Variants in NEB observed in about 807,000 individuals in gnomAD.
NEB encodes nebulin.
In NEB, 512 loss-of-function variants were observed where a neutral mutation model predicts 952.2. The ratio of observed to expected loss-of-function variants is 0.54; its 90% confidence interval spans 0.50 to 0.58. The LOEUF (loss-of-function observed/expected upper bound fraction) is 0.58. Among genes scored for constraint, NEB ranks in the 20% least tolerant of loss-of-function variants. NEB has a pLI of 0.00. For missense variants in NEB, 8,428 were observed against 9,231.1 expected (o/e 0.91, Z 3.56); for synonymous variants, 2,900 against 3,149.8 (o/e 0.92, Z 2.66).
chr2:151,669,649 G>A (rs980534069), intron 38 of NEB, among the ~76,000 whole-genome samples: 1 of 152,126 alleles, frequency 6.6e-6, no homozygotes, highest in African/African-American at 2.4e-5. Flanking sequence ...AATGTGCCTG[G>A]GTAGACGTGG....
Position 151,680,768 on chromosome 2 carries a change from TA to T in NEB, c.3003del (p.Thr1002GlnfsTer55), listed in dbSNP as rs2099408546. On this transcript the variant is annotated frameshift_variant, in exon 30 of 182. Transcript: ENST00000397345. LOFTEE classifies it high-confidence loss of function. ...GCCTGGTTAATTTTAGACTGTACTG[TA>T]ATTGGAGCATCTTCAATCGAGGTAA... ...LKFTSIEDAP[I>X]TVQSKINQAQ... 1 of 1,613,146 alleles carries T rather than the reference TA, an allele frequency of 6.2e-7. No homozygotes were observed. Among genetic ancestry groups the T allele is most frequent in the Non-Finnish European group, 8.5e-7 (1 of 1,179,204 alleles).
intron 130 of NEB, among the ~76,000 whole-genome samples, 158 bp downstream of exon 130, chr2:151,549,478 A>C (rs1466985455): frequency 6.6e-6 from 1 of 152,142 alleles, no homozygotes; most frequent in East Asian, 1.9e-4. Context: ...ATTGCACAGC[A>C]CCCCTCAAAA....
intron 135 of NEB, among the ~76,000 whole-genome samples, chr2:151,542,717 A>G (rs891860147): frequency 3.9e-5 from 6 of 151,904 alleles, no homozygotes; most frequent in Admixed American, 2.6e-4. Flanking sequence ...CACCTGCTCA[A>G]CTCCTCTATT....
At chr2:151,491,993 C>T in intron 178 of NEB, 105 bp downstream of exon 178, 1 of 1,252,020 alleles carries the variant, frequency 8.0e-7, no homozygotes, top group East Asian at 2.3e-5. Context: ...TCTAGAAAAA[C>T]AGATTGAAGT....
intron 28 of NEB, among the ~76,000 whole-genome samples, 194 bp downstream of exon 28, chr2:151,684,584 G>C (rs572576885): frequency 6.6e-6 from 1 of 152,334 alleles, no homozygotes; most frequent in Non-Finnish European, 1.5e-5. Flanking sequence ...GAGGGAAACA[G>C]TGATAGGGTG....
chr2:151,697,299 G>T, intron 15 of NEB, 47 bp from the exon 16 acceptor site: 2 of 1,607,360 alleles, frequency 1.2e-6, no homozygotes. Context: ...TTGTATTCAT[G>T]CCCTGAGAAA....
Position 151,503,518 on chromosome 2 carries a change from TTGGGGGAAACTCATAAAAAC to T in NEB, c.23743-97_23743-78del, listed in dbSNP as rs1443764351. ...TAGATAGCAGCCACATGTGGGCTAT[TTGGGGGAAACTCATAAAAAC>T]AATCTAGCTCTCAAATATAACATTC... is the stretch of plus-strand genomic sequence containing the variant. On this transcript the variant is annotated intron_variant, in intron 165 of 181. Transcript: ENST00000397345. The T allele has an allele frequency of 7.2e-5, 68 of 943,292 alleles. 1 individual carries two copies. Among genetic ancestry groups the T allele is most frequent in the Admixed American group, 2.0e-4 (10 of 49,844 alleles). The allele number at this position is 943,292 out of a possible 1,614,324, so 58.4% of individuals were successfully genotyped here.
chr2:151,526,862 C>G, intron 148 of NEB, 56 bp downstream of exon 148: 1 of 1,237,950 alleles, frequency 8.1e-7, no homozygotes, highest in African/African-American at 1.5e-5. Context: ...GGGGACTGTA[C>G]CATGGAAGAT....
rs2093337062 is a variant in NEB, at chr2:151,537,169, A to C, written c.21170T>G (p.Phe7057Cys). The change falls in exon 141 of 182, where the codon TTC becomes TGC. Residue 7057 changes from phenylalanine to cysteine, a missense_variant. By Grantham distance (205) the Phe-to-Cys change is radical. This residue lies in a region of NEB where 3,374 missense variants were observed against 3,651.5 expected (regional missense o/e 0.92). Transcript: ENST00000397345. ...IGCYAYDTPD[F>C]TLAEKNKTLY... ...AGTCTTGTTCTTTTCAGCCAGAGTG[A>C]AATCAGGGGTATCATAGGCATAGCA... 1.2e-6 allele frequency: 2 copies of C among 1,613,190 alleles called. No individual in the cohort carries two copies. Among genetic ancestry groups the C allele is most frequent in the Non-Finnish European group, 1.7e-6 (2 of 1,179,378 alleles).
chr2:151,617,596 G>A (rs1573851017), intron 74 of NEB, 128 bp from the exon 75 acceptor site: 2 of 550,550 alleles, frequency 3.6e-6, no homozygotes, highest in East Asian at 5.9e-5. Flanking sequence ...TATTAAAGCT[G>A]CATAAATTCC....
chr2:151,705,821 A>G (rs541535489), intron 13 of NEB, among the ~76,000 whole-genome samples: 1 of 152,344 alleles, frequency 6.6e-6, no homozygotes, highest in South Asian at 2.1e-4. Flanking sequence ...TAACTCAGGA[A>G]TGAAAAACCA....
rs761724784 is a variant in NEB at position 151,692,148 on chromosome 2, A to G, written c.2017T>C (p.Tyr673His). ...TAATGTCCCAAAACATCCTTTACAT[A>G]TAAGTCTTTATATCTAGCCTGAAAA... ...NFSEARYKDL[Y>H]VKDVLGHYVG... Residue 673 changes from tyrosine to histidine, a missense_variant, in exon 22 of 182, where the codon TAT (tyrosine) becomes CAT (histidine). By Grantham distance (83) the Tyr-to-His change is moderately conservative. Transcript: ENST00000397345. 13 of 1,613,440 alleles carry G rather than the reference A, an allele frequency of 8.1e-6. No individual in the cohort carries two copies. The Middle Eastern group carries it at 4.9e-4, about 61-fold the overall frequency.
intron 165 of NEB, among the ~76,000 whole-genome samples, chr2:151,505,039 T>C (rs770841591): frequency 3.3e-5 from 5 of 152,192 alleles, no homozygotes; most frequent in Non-Finnish European, 7.3e-5. Flanking sequence ...CTATCATTCA[T>C]ATGATGTGTC....
intron 10 of NEB, chr2:151,716,030 TTTTC>T (rs1164220627): frequency 2.0e-5 from 6 of 306,044 alleles, no homozygotes; most frequent in African/African-American, 1.3e-4. Flanking sequence ...ATAGATTCCT[TTTTC>T]TTTCTAAATG....
intron 178 of NEB, 37 bp downstream of exon 178, chr2:151,492,061 T>G (rs763159352): frequency 6.3e-7 from 1 of 1,598,476 alleles, no homozygotes; most frequent in African/African-American, 1.3e-5. Context: ...CCCCCTCACT[T>G]AAAGTTAATC....
Position 151,724,363 on chromosome 2 carries a change from A to C in NEB, c.509T>G (p.Val170Gly). ...AKKVSQQVSK[V>G]LYKQNWEDTK... is the part of the protein sequence containing the mutation. ...GTCTTCCCAGTTCTGCTTGTATAAA[A>C]CCTAGACAGAAGGAGCAGAGGATCT... Residue 170 changes from valine (V) to glycine (G), a missense_variant and splice_region_variant, in exon 8 of 182, where the codon GTT becomes GGT. Around this residue, in one of 11 missense-constraint regions of NEB, gnomAD observed 2,851 missense variants for 2,791.5 expected, o/e 1.02. Coordinates refer to ENST00000397345, the MANE Select transcript of NEB (RefSeq NM_001164508.2). The C allele has an allele frequency of 6.2e-7, 1 of 1,606,918 alleles. No homozygotes were observed. Among genetic ancestry groups the C allele is most frequent in the Non-Finnish European group, 8.5e-7 (1 of 1,175,868 alleles).
rs763268909 is a variant in NEB at position 151,627,619 on chromosome 2, G to A, written c.10047C>T (p.Ser3349=). The A allele has an allele frequency of 3.4e-5, 55 of 1,613,870 alleles. No homozygotes were observed. The highest frequency in any genetic ancestry group is 2.7e-4 in the Admixed American group (16 of 60,002). Residue 3349 remains serine (S), a synonymous_variant, in exon 69 of 182, where the codon AGC becomes AGT. Coordinates refer to ENST00000397345, the MANE Select transcript of NEB (RefSeq NM_001164508.2). ...GCAGGTAGTTCTTGTAGTCCACATC[G>A]CTGACTAAGGTCTGGCACTTCTTGG... is the stretch of plus-strand genomic sequence containing the variant. ...VLAKKCQTLV[S]DVDYKNYLHE...
intron 29 of NEB, 125 bp from the exon 30 acceptor site, chr2:151,680,953 A>G (rs2099409866): frequency 2.6e-6 from 2 of 775,016 alleles, no homozygotes; most frequent in Admixed American, 2.0e-5. Context: ...ATGCAAAAAC[A>G]CTAGATTCTT....
intron 78 of NEB, 131 bp from the exon 79 acceptor site, chr2:151,610,997 C>T (rs970527839): frequency 3.5e-6 from 2 of 578,612 alleles, no homozygotes. Context: ...CCTTCTAATG[C>T]TTTTGGGAGG....
Sources: allele counts gnomAD v4.1 joint callset (sites outside exome capture counted in the v4.1 genomes callset), GRCh38; gene constraint gnomAD v4.1.1; regional missense constraint gnomAD v4.1.1; transcripts MANE v1.5; gene names NCBI Gene and HGNC (gene_info 2026-07-23, HGNC 2026-07-21).